The following SV2C variants were observed in gnomAD, a reference collection of about 807,000 sequenced individuals.
The protein encoded by SV2C is synaptic vesicle glycoprotein 2C, also known as solute carrier family 22 member B3.
SV2C carries 49 observed loss-of-function variants against 79.7 expected under a neutral mutation model. That is an observed-to-expected ratio of 0.61 (90% CI 0.49 to 0.78). The LOEUF is 0.78. SV2C is among the 30% of genes least tolerant of loss of function. The pLI is 0.00. For missense variants in SV2C, 833 were observed against 912.9 expected, an observed-to-expected ratio of 0.91 and a Z score of 1.13; for synonymous variants, 334 against 333.2, an observed-to-expected ratio of 1.00 and a Z score of -0.03.
At chr5:75,850,637 TA>T in the SV2C span, among the ~76,000 whole-genome samples, 764 of 149,220 alleles carry the variant, frequency 5.1e-3, 3 homozygotes, top group Middle Eastern at 0.017. Flanking sequence ...TAAAGTATAA[TA>T]AAAAAAAAAG....
At chr5:76,028,510 T>C in the SV2C span, among the ~76,000 whole-genome samples, 3 of 152,218 alleles carry the variant, frequency 2.0e-5, no homozygotes, top group African/African-American at 7.2e-5. Flanking sequence ...AAGTTTCTTA[T>C]AGCACAAATG....
At chr5:76,202,795 G>T (rs1404334519) in intron 3 of SV2C, among the ~76,000 whole-genome samples, 1 of 152,184 alleles carries the variant, frequency 6.6e-6, no homozygotes, top group Non-Finnish European at 1.5e-5. Context: ...GTTGAGATGT[G>T]TTGTAGGTAT....
At chr5:76,008,957 C>T in the SV2C span, among the ~76,000 whole-genome samples, 1 of 152,058 alleles carries the variant, frequency 6.6e-6, no homozygotes, top group Non-Finnish European at 1.5e-5. Flanking sequence ...GGATTCTTCC[C>T]TCTGCTTAGA....
the SV2C span, among the ~76,000 whole-genome samples, chr5:76,068,329 T>C: frequency 1.3e-5 from 2 of 152,204 alleles, no homozygotes; most frequent in African/African-American, 4.8e-5. Context: ...TATGTGATCA[T>C]ATGATTATTA....
intron 2 of SV2C, among the ~76,000 whole-genome samples, chr5:76,154,639 T>C (rs950469046): frequency 2.6e-5 from 4 of 152,204 alleles, no homozygotes; most frequent in Admixed American, 2.6e-4. Flanking sequence ...AATGTTTCAC[T>C]TCCGCCATGA....
chr5:76,061,268 T>TA, the SV2C span, among the ~76,000 whole-genome samples: 13,120 of 51,220 alleles, frequency 0.26, 1,601 homozygotes, highest in African/African-American at 0.34. Flanking sequence ...CTTCAATTTG[T>TA]AAAAAAAAAA....
the SV2C span, among the ~76,000 whole-genome samples, chr5:75,880,920 G>A: frequency 6.6e-6 from 1 of 152,146 alleles, no homozygotes; most frequent in Non-Finnish European, 1.5e-5. Context: ...AGACGTAAAA[G>A]CACAGCTCCA....
At chr5:76,273,170 T>TACAC (rs1554044456) in intron 4 of SV2C, among the ~76,000 whole-genome samples, 4 of 121,996 alleles carry the variant, frequency 3.3e-5, no homozygotes, top group Non-Finnish European at 7.0e-5. Flanking sequence ...TATATATATA[T>TACAC]ACACACATAT....
At chr5:75,961,370 ATGT>A in the SV2C span, among the ~76,000 whole-genome samples, 1 of 152,016 alleles carries the variant, frequency 6.6e-6, no homozygotes, top group Non-Finnish European at 1.5e-5. Flanking sequence ...ATCACTAATT[ATGT>A]TGTTGTAATC....
rs1199810418 is a variant in SV2C at position 76,132,034 on chromosome 5, G to C, written c.284G>C (p.Gly95Ala). Residue 95 changes from glycine to alanine, a missense_variant, in exon 2 of 13, where the codon GGC becomes GCC. Gly to Ala is a moderately conservative substitution (Grantham distance 60, BLOSUM62 0). Transcript: ENST00000502798. The stretch of plus-strand genomic sequence containing the variant: ...GAGATCTATGAGGGGGAGTATCAGG[G>C]CATCCCCAGTATGAACCAAGCGAAG... ...DDEIYEGEYQ[G>A]IPSMNQAKDS... The C allele has an allele frequency of 6.2e-7, 1 of 1,612,560 alleles. No homozygotes were observed. The highest frequency in any genetic ancestry group is 8.5e-7 in the Non-Finnish European group (1 of 1,179,198).
the SV2C span, among the ~76,000 whole-genome samples, chr5:76,039,765 AAAAAAAAAGAAAGAAAAG>A: frequency 6.7e-6 from 1 of 149,042 alleles, no homozygotes; most frequent in Admixed American, 6.6e-5. Flanking sequence ...TCAAAAAAAA[AAAAAAAAAGAAAGAAAAG>A]AAAAAAGAAA....
the SV2C span, among the ~76,000 whole-genome samples, chr5:75,925,039 C>T: frequency 6.6e-6 from 1 of 152,054 alleles, no homozygotes. Flanking sequence ...ATAGCCCTCA[C>T]CTGCCTATAG....
intron 2 of SV2C, among the ~76,000 whole-genome samples, chr5:76,171,950 C>A: frequency 7.8e-6 from 1 of 128,476 alleles, no homozygotes; most frequent in South Asian, 2.6e-4. Flanking sequence ...GGGTCAGCCC[C>A]CCGCCTGGCC....
At chr5:76,189,667 C>A (rs1744035799) in intron 2 of SV2C, among the ~76,000 whole-genome samples, 1 of 152,182 alleles carries the variant, frequency 6.6e-6, no homozygotes, top group South Asian at 2.1e-4. Flanking sequence ...GCTCTTCAAA[C>A]TGGAGTTCCC....
At chr5:76,155,453 C>T (rs1742695692) in intron 2 of SV2C, among the ~76,000 whole-genome samples, 2 of 152,180 alleles carry the variant, frequency 1.3e-5, no homozygotes, top group African/African-American at 4.8e-5. Flanking sequence ...AGAGCTCCTT[C>T]TACCCCAGCT....
chr5:76,098,024 T>C (rs1010688354), intron 1 of SV2C, among the ~76,000 whole-genome samples: 3 of 152,154 alleles, frequency 2.0e-5, no homozygotes, highest in Admixed American at 6.5e-5. Context: ...AGTTTTTTAC[T>C]GTGCAGCTCT....
chr5:76,099,357 C>G (rs1747663964), intron 1 of SV2C, among the ~76,000 whole-genome samples: 1 of 134,572 alleles, frequency 7.4e-6, no homozygotes, highest in African/African-American at 3.1e-5. Flanking sequence ...TTAGTGCTTT[C>G]TTTTGCTCGT....
intron 4 of SV2C, among the ~76,000 whole-genome samples, chr5:76,219,074 C>G (rs766646503): frequency 8.5e-5 from 13 of 152,130 alleles, no homozygotes; most frequent in African/African-American, 3.1e-4. Flanking sequence ...GGTGTCAGGG[C>G]AGGCCTCACA....
At chr5:76,193,774 C>T (rs1744180260) in intron 2 of SV2C, among the ~76,000 whole-genome samples, 2 of 152,178 alleles carry the variant, frequency 1.3e-5, no homozygotes, top group South Asian at 4.1e-4. Context: ...TGGCTAGCCA[C>T]TTACTGTCTG....
Sources: gnomAD v4.1 joint callset for allele counts (sites outside exome capture counted in the v4.1 genomes callset) on GRCh38, gnomAD v4.1.1 for gene constraint, MANE v1.5 for transcripts, NCBI Gene and HGNC (gene_info 2026-07-23, HGNC 2026-07-21) for gene names.